TNRC6B: variants seen among roughly 807,000 people sequenced by gnomAD.
The protein encoded by TNRC6B is trinucleotide repeat-containing gene 6B protein.
TNRC6B carries 52 observed loss-of-function variants against 203.6 expected under a neutral mutation model. The ratio of observed to expected loss-of-function variants is 0.26; its 90% CI spans 0.20 to 0.32. TNRC6B has a LOEUF of 0.32. Ranked by LOEUF, TNRC6B falls within the 10% of genes least tolerant of loss-of-function variation. The pLI is 1.00. For missense variants in TNRC6B, 1,923 were observed against 2,286.2 expected (o/e 0.84, Z 3.24); for synonymous variants, 838 against 845.7 (o/e 0.99, Z 0.16).
intron 1 of TNRC6B, among the ~76,000 whole-genome samples, chr22:40,061,335 C>T (rs2067849420): frequency 6.6e-6 from 1 of 152,044 alleles, no homozygotes; most frequent in African/African-American, 2.4e-5. Flanking sequence ...CAGCCTTGGC[C>T]TCTTGAGTAG....
At chr22:40,089,026 C>T (rs1480377502) in intron 1 of TNRC6B, among the ~76,000 whole-genome samples, 2 of 152,124 alleles carry the variant, frequency 1.3e-5, no homozygotes, top group African/African-American at 4.8e-5. Context: ...CAACTGTACT[C>T]ATGTGGAACA....
intron 2 of TNRC6B, among the ~76,000 whole-genome samples, chr22:40,118,794 G>C (rs1301528290): frequency 2.0e-5 from 3 of 152,130 alleles, no homozygotes; most frequent in Non-Finnish European, 4.4e-5. Context: ...TCCCATAATA[G>C]AATTCAAACA....
At chr22:40,314,662 G>A (rs1232215294) in intron 19 of TNRC6B, among the ~76,000 whole-genome samples, 2 of 152,218 alleles carry the variant, frequency 1.3e-5, no homozygotes, top group African/African-American at 2.4e-5. Flanking sequence ...ACGTGATGAT[G>A]TTGGGGTCAC....
chr22:40,152,146 TTTTC>T (rs1278260562), intron 3 of TNRC6B, among the ~76,000 whole-genome samples: 5 of 152,208 alleles, frequency 3.3e-5, no homozygotes, highest in South Asian at 4.1e-4. Flanking sequence ...TTGGTTTTGT[TTTTC>T]TTTCTTTCTT....
intron 3 of TNRC6B, among the ~76,000 whole-genome samples, chr22:40,131,455 A>T (rs1228035260): frequency 6.6e-6 from 1 of 150,866 alleles, no homozygotes; most frequent in African/African-American, 2.5e-5. Context: ...GATGGTTTCT[A>T]AAAGACTGCT....
In TNRC6B at chr22:40,270,165, C is replaced by T. The variant is rs963142597; in HGVS notation, c.2850C>T (p.Ser950=). 19 of 1,584,532 alleles carry T rather than the reference C, an allele frequency of 1.2e-5. No homozygotes were observed. Among genetic ancestry groups the T allele is most frequent in the Admixed American group, 1.8e-5 (1 of 55,360 alleles). The change falls in exon 6 of 23, where the codon TCC becomes TCT. Residue 950 remains serine, a synonymous_variant. Transcript: ENST00000454349. ...CACCTGCTCCAGATAATGGTACTTCCGCTTGGGGTGAGCCAAATGAAAGCA... is the reference window on the plus strand; with the variant it reads ...CACCTGCTCCAGATAATGGTACTTCTGCTTGGGGTGAGCCAAATGAAAGCA... The part of the protein sequence containing the change: ...STPPAPDNGT[S]AWGEPNESSP...
chr22:40,103,121 A>G (rs186568547), intron 1 of TNRC6B, among the ~76,000 whole-genome samples: 1 of 152,014 alleles, frequency 6.6e-6, no homozygotes, highest in East Asian at 1.9e-4. Context: ...TAATTAATTT[A>G]GCTGGTCATG....
chr22:40,311,821 G>A (rs945780287), intron 17 of TNRC6B, among the ~76,000 whole-genome samples: 5 of 152,216 alleles, frequency 3.3e-5, no homozygotes, highest in African/African-American at 1.2e-4. Context: ...GGGATTACAG[G>A]CGTGAGCCAC....
rs1273187898 is a variant in TNRC6B at position 40,264,749 on chromosome 22, C to A, written c.519C>A (p.Ala173=). The change falls in exon 5 of 23, where the codon GCC becomes GCA. Residue 173 remains alanine (A), a synonymous_variant. Coordinates refer to ENST00000454349, the MANE Select transcript of TNRC6B (RefSeq NM_001162501.2). The part of the protein sequence containing the change: ...NYANSTWGSG[A]SSNNGTSPNP... Reference sequence around the variant, plus strand: ...CAAATTCCACTTGGGGCTCGGGAGCCTCCTCCAACAACGGCACCTCCCCCA... The same window carrying A: ...CAAATTCCACTTGGGGCTCGGGAGCATCCTCCAACAACGGCACCTCCCCCA... 6.2e-6 allele frequency: 10 copies of A among 1,611,160 alleles called. No homozygotes were observed. The highest frequency in any genetic ancestry group is 8.5e-6 in the Non-Finnish European group (10 of 1,178,130).
intron 1 of TNRC6B, among the ~76,000 whole-genome samples, chr22:40,232,609 A>G (rs189182023): frequency 2.4e-4 from 37 of 152,322 alleles, no homozygotes; most frequent in Admixed American, 1.7e-3. Context: ...GCATGAGACA[A>G]ATGTTCTTCA....
intron 3 of TNRC6B, among the ~76,000 whole-genome samples, chr22:40,133,495 G>A (rs954053495): frequency 6.6e-6 from 1 of 152,094 alleles, no homozygotes; most frequent in Non-Finnish European, 1.5e-5. Context: ...CTATGATACC[G>A]ATATTAAATA....
chr22:40,311,162 A>C (rs1401535828), intron 17 of TNRC6B, among the ~76,000 whole-genome samples, 169 bp downstream of exon 17: 1 of 152,116 alleles, frequency 6.6e-6, no homozygotes, highest in East Asian at 1.9e-4. Context: ...GAAGATAGAA[A>C]ATTTTCATTA....
chr22:40,162,049 C>G (rs182872912), intron 4 of TNRC6B, among the ~76,000 whole-genome samples: 53 of 152,198 alleles, frequency 3.5e-4, no homozygotes, highest in South Asian at 2.3e-3. Context: ...TTGTGATGGT[C>G]TAAAGGTTTG....
intron 1 of TNRC6B, among the ~76,000 whole-genome samples, chr22:40,218,126 A>G (rs543540802): frequency 2.6e-5 from 4 of 152,208 alleles, no homozygotes; most frequent in African/African-American, 9.6e-5. Flanking sequence ...TATGGCTACT[A>G]ATATCAAAGT....
chr22:40,170,704 C>G (rs1414920497), intron 4 of TNRC6B, among the ~76,000 whole-genome samples: 3 of 137,690 alleles, frequency 2.2e-5, no homozygotes, highest in African/African-American at 7.9e-5. Flanking sequence ...AATTCCTATA[C>G]ATACATATAT....
At chr22:40,311,811 G>C (rs891574142) in intron 17 of TNRC6B, among the ~76,000 whole-genome samples, 1 of 152,224 alleles carries the variant, frequency 6.6e-6, no homozygotes, top group South Asian at 2.1e-4. Flanking sequence ...CCAAAGTGCC[G>C]GGATTACAGG....
At chr22:40,279,887 A>T in intron 9 of TNRC6B, 108 bp from the exon 10 acceptor site, 1 of 876,788 alleles carries the variant, frequency 1.1e-6, no homozygotes. Context: ...TAGAAATATT[A>T]ATAGCTTATA....
chr22:40,261,170 C>T (rs2070376590), intron 3 of TNRC6B, among the ~76,000 whole-genome samples: 1 of 152,034 alleles, frequency 6.6e-6, no homozygotes, highest in Non-Finnish European at 1.5e-5. Context: ...ATTGTAGTCC[C>T]AGCTACTCAA....
chr22:40,074,542 G>C (rs1182639546), intron 1 of TNRC6B, among the ~76,000 whole-genome samples: 1 of 152,144 alleles, frequency 6.6e-6, no homozygotes, highest in African/African-American at 2.4e-5. Flanking sequence ...ACTTTGGGAG[G>C]CCAAGGCAGG....
Sources: allele counts gnomAD v4.1 joint callset (sites outside exome capture counted in the v4.1 genomes callset), GRCh38; gene constraint gnomAD v4.1.1; transcripts MANE v1.5; gene names NCBI Gene and HGNC (gene_info 2026-07-23, HGNC 2026-07-21).